Variants in R3HDM2 observed in about 807,000 individuals in gnomAD.
R3HDM2 encodes R3H domain-containing protein 2.
Under a neutral mutation model 124.5 loss-of-function variants are expected in R3HDM2, and 38 were observed. That is an observed-to-expected ratio of 0.31 (90% CI 0.24 to 0.40). The LOEUF is 0.40. R3HDM2 is among the 10% of genes least tolerant of loss of function. R3HDM2 has a pLI of 1.00. For synonymous variants in R3HDM2, 391 were observed against 448.0 expected (o/e 0.87, Z 1.61); for missense variants, 869 against 1,236.9 (o/e 0.70, Z 4.46).
intron 1 of R3HDM2, among the ~76,000 whole-genome samples, chr12:57,407,378 C>G (rs2068622591): frequency 6.6e-6 from 1 of 151,770 alleles, no homozygotes; most frequent in South Asian, 2.1e-4. Context: ...AATATGAACA[C>G]CAGATATTTA....
chr12:57,348,497 C>A (rs1377976253), intron 2 of R3HDM2, among the ~76,000 whole-genome samples: 2 of 151,736 alleles, frequency 1.3e-5, no homozygotes, highest in Non-Finnish European at 2.9e-5. Flanking sequence ...AGCTCAAGAC[C>A]AGTCTGGCCA....
intron 12 of R3HDM2, among the ~76,000 whole-genome samples, chr12:57,287,203 C>A (rs1192543977): frequency 6.6e-6 from 1 of 152,150 alleles, no homozygotes; most frequent in Non-Finnish European, 1.5e-5. Context: ...TCCAGCTGAC[C>A]AAATTAGGAT....
At chr12:57,382,285 G>GT (rs2065006415) in intron 2 of R3HDM2, among the ~76,000 whole-genome samples, 1 of 142,636 alleles carries the variant, frequency 7.0e-6, no homozygotes, top group Non-Finnish European at 1.6e-5. Flanking sequence ...TGGCTAATTT[G>GT]GTTTTTTTTT....
intron 3 of R3HDM2, among the ~76,000 whole-genome samples, chr12:57,306,784 G>A (rs914980163): frequency 2.2e-4 from 33 of 152,308 alleles, no homozygotes; most frequent in African/African-American, 7.7e-4. Flanking sequence ...GGAGGCTGAG[G>A]CAGATGGATC....
rs397727933 is a variant in R3HDM2, at chr12:57,387,978, T to TTTA, written c.-36+7770_-36+7771insTAA. On this transcript the variant is annotated intron_variant, in intron 2 of 23. Transcript: ENST00000402412. ...ACAGACAAAAAAAATTTTTTTTTTTTAAAAAGACAAAGTCTTGCTCTTGTC... is the reference window on the plus strand; with the variant it reads ...ACAGACAAAAAAAATTTTTTTTTTTTTTAAAAAAGACAAAGTCTTGCTCTTGTC... 7.9e-3 allele frequency among the ~76,000 whole-genome samples: 1,197 copies of TTTA among 151,346 alleles called. 10 individuals are homozygous for TTTA. The highest frequency in any genetic ancestry group is 0.031 in the East Asian group (162 of 5,152).
chr12:57,386,510 C>T (rs749484055), intron 2 of R3HDM2, among the ~76,000 whole-genome samples: 13 of 152,240 alleles, frequency 8.5e-5, no homozygotes, highest in Admixed American at 2.6e-4. Flanking sequence ...CCCCTCGGGG[C>T]AGGGCTTGGG....
rs75010426 is a variant in R3HDM2, at chr12:57,394,782, G to A, written c.-36+967C>T. ...TACCTGTGAACAGTATCTCAAGCGG[G>A]AAGAAATCATGAGATTTCTGTTATC... On this transcript the variant is annotated intron_variant, in intron 2 of 23. Coordinates refer to ENST00000402412, the MANE Select transcript of R3HDM2 (RefSeq NM_001394031.1). 2.1e-3 allele frequency among the ~76,000 whole-genome samples: 324 copies of A among 152,242 alleles called. 9 individuals carry two copies. The East Asian group carries it at 0.05, about 23-fold the overall frequency.
At chr12:57,362,885 T>A (rs1289657326) in intron 2 of R3HDM2, among the ~76,000 whole-genome samples, 1 of 152,130 alleles carries the variant, frequency 6.6e-6, no homozygotes, top group African/African-American at 2.4e-5. Flanking sequence ...GCAGTGGCAC[T>A]ACGTCAGCTA....
rs917598276 is a variant in R3HDM2, at chr12:57,297,188, C to G, written c.560+140G>C. ...AAAAGATATAAATTATTTTTCAACTCAAATCTACATAATAACTTAAAAACT... is the reference window on the plus strand; with the variant it reads ...AAAAGATATAAATTATTTTTCAACTGAAATCTACATAATAACTTAAAAACT... On this transcript the variant is annotated intron_variant, in intron 8 of 23. Transcript: ENST00000402412. 1.4e-5 allele frequency: 8 copies of G among 554,480 alleles called. No individual in the cohort carries two copies. The South Asian group carries it at 2.1e-4, about 14-fold the overall frequency. 34.3% of individuals were successfully genotyped at this position (554,480 alleles called of 1,614,324 possible).
intron 14 of R3HDM2, chr12:57,272,515 A>C (rs538123416): frequency 2.6e-6 from 4 of 1,542,760 alleles, no homozygotes; most frequent in East Asian, 5.0e-5. Context: ...CTTGGAGAGA[A>C]CTGAACAGGC....
intron 2 of R3HDM2, among the ~76,000 whole-genome samples, chr12:57,390,923 A>C (rs1010065429): frequency 1.3e-5 from 2 of 151,900 alleles, no homozygotes; most frequent in African/African-American, 4.8e-5. Context: ...GAGACAGAAG[A>C]ATCACTTGAA....
intron 2 of R3HDM2, chr12:57,341,193 A>C (rs2059525622): frequency 1.3e-5 from 2 of 153,260 alleles, no homozygotes; most frequent in South Asian, 4.1e-4. Flanking sequence ...TAGAAAACGT[A>C]ATTAGGTAAA....
intron 1 of R3HDM2, among the ~76,000 whole-genome samples, chr12:57,428,588 G>C (rs1031120457): frequency 2.0e-5 from 3 of 152,054 alleles, no homozygotes; most frequent in African/African-American, 7.2e-5. Context: ...CCAGGAGACA[G>C]AGCTTGCAGT....
At chr12:57,344,954 C>A (rs1322751012) in intron 2 of R3HDM2, among the ~76,000 whole-genome samples, 1 of 152,064 alleles carries the variant, frequency 6.6e-6, no homozygotes, top group African/African-American at 2.4e-5. Context: ...CCTGCCTCAG[C>A]CTCCAGAGTA....
At chr12:57,306,875 C>A (rs2052713179) in intron 3 of R3HDM2, among the ~76,000 whole-genome samples, 1 of 152,128 alleles carries the variant, frequency 6.6e-6, no homozygotes, top group Admixed American at 6.5e-5. Flanking sequence ...ATTAGCCAGG[C>A]ATGGTGGCAC....
At chr12:57,399,219 T>A (rs1361622327) in intron 1 of R3HDM2, among the ~76,000 whole-genome samples, 1 of 152,044 alleles carries the variant, frequency 6.6e-6, no homozygotes, top group East Asian at 1.9e-4. Flanking sequence ...CTGGCTGGCG[T>A]GGTGAAACAC....
At chr12:57,293,215 G>T (rs529714206) in intron 10 of R3HDM2, among the ~76,000 whole-genome samples, 1 of 152,228 alleles carries the variant, frequency 6.6e-6, no homozygotes, top group South Asian at 2.1e-4. Flanking sequence ...AAATCCCAAG[G>T]GCGAAGCTAA....
chr12:57,298,628 G>A (rs1318920745), intron 6 of R3HDM2, among the ~76,000 whole-genome samples: 1 of 150,158 alleles, frequency 6.7e-6, no homozygotes, highest in Non-Finnish European at 1.5e-5. Flanking sequence ...TAAAGGCAAA[G>A]ATAGTCTAAT....
In R3HDM2 at chr12:57,254,358, G is replaced by A. The variant is rs894821104; in HGVS notation, c.*415C>T. ...TCTACTAAAAATACAAAAATTAGCC[G>A]GGCATGGTGGCGCGTGTCTGTAGTG... On this transcript the variant is annotated 3_prime_UTR_variant, in exon 24 of 24. Transcript: ENST00000402412. The A allele has an allele frequency of 3.2e-5, 13 of 411,986 alleles. No individual in the cohort carries two copies. Among genetic ancestry groups the A allele is most frequent in the Middle Eastern group, 7.6e-4 (1 of 1,314 alleles). 25.5% of individuals were successfully genotyped at this position (411,986 alleles called of 1,614,324 possible).
Sources: allele counts gnomAD v4.1 joint callset (sites outside exome capture counted in the v4.1 genomes callset), GRCh38; gene constraint gnomAD v4.1.1; transcripts MANE v1.5; gene names NCBI Gene and HGNC (gene_info 2026-07-23, HGNC 2026-07-21).